The following DPP10 variants were observed in gnomAD, a reference collection of about 807,000 sequenced individuals.
The protein encoded by DPP10 is inactive dipeptidyl peptidase 10.
Under a neutral mutation model 120.9 loss-of-function variants are expected in DPP10, and 33 were observed. The observed-to-expected ratio is 0.27, with a 90% confidence interval of 0.21 to 0.37. The LOEUF (loss-of-function observed/expected upper bound fraction) is 0.37, where lower values mean the gene tolerates loss of function less well. Ranked by LOEUF, DPP10 falls within the 10% of genes least tolerant of loss-of-function variation. The pLI, the probability that DPP10 is intolerant of heterozygous loss-of-function variation, is 1.00. For missense variants in DPP10, 816 were observed against 942.8 expected, an observed-to-expected ratio of 0.87 and a Z score of 1.76; for synonymous variants, 337 against 326.1, an observed-to-expected ratio of 1.03 and a Z score of -0.36.
At chr2:114,966,058 G>A (rs1467930555) in intron 1 of DPP10, among the ~76,000 whole-genome samples, 1 of 151,682 alleles carries the variant, frequency 6.6e-6, no homozygotes, top group Non-Finnish European at 1.5e-5. Flanking sequence ...CAAATAATTA[G>A]GACAGTTAGG....
chr2:115,198,632 A>T (rs748092428), intron 1 of DPP10, among the ~76,000 whole-genome samples: 1 of 152,000 alleles, frequency 6.6e-6, no homozygotes, highest in Non-Finnish European at 1.5e-5. Context: ...CCCTAGAGGG[A>T]TTTACTTAAA....
intron 1 of DPP10, among the ~76,000 whole-genome samples, chr2:115,194,480 G>A (rs746029377): frequency 6.6e-6 from 1 of 152,118 alleles, no homozygotes; most frequent in Non-Finnish European, 1.5e-5. Flanking sequence ...CGTGCTTTTG[G>A]GTAAGTATTT....
intron 1 of DPP10, among the ~76,000 whole-genome samples, chr2:114,621,695 G>A (rs1055187287): frequency 2.0e-5 from 3 of 151,746 alleles, no homozygotes; most frequent in East Asian, 2.0e-4. Flanking sequence ...CTCTCTCCTT[G>A]TACCTCTCAA....
At chr2:115,495,793 A>G (rs915962267) in intron 3 of DPP10, among the ~76,000 whole-genome samples, 2 of 152,180 alleles carry the variant, frequency 1.3e-5, no homozygotes, top group Non-Finnish European at 2.9e-5. Flanking sequence ...TTTTCATTTT[A>G]GGAAAACTGA....
intron 3 of DPP10, among the ~76,000 whole-genome samples, chr2:115,392,728 A>T (rs2067402836): frequency 6.6e-6 from 1 of 152,158 alleles, no homozygotes; most frequent in Admixed American, 6.5e-5. Flanking sequence ...TTTAAATTAC[A>T]ATGAATTTTT....
At chr2:114,678,984 A>T (rs1698843542) in intron 1 of DPP10, among the ~76,000 whole-genome samples, 1 of 152,006 alleles carries the variant, frequency 6.6e-6, no homozygotes. Context: ...TTCTGACTAG[A>T]ATCCATTTGT....
At chr2:114,900,397 T>C (rs960220151) in intron 1 of DPP10, among the ~76,000 whole-genome samples, 2 of 152,210 alleles carry the variant, frequency 1.3e-5, no homozygotes, top group Non-Finnish European at 2.9e-5. Flanking sequence ...TCCTTACCAA[T>C]GCATGAGCAT....
intron 1 of DPP10, among the ~76,000 whole-genome samples, chr2:114,795,261 G>A (rs962778700): frequency 1.3e-5 from 2 of 151,988 alleles, no homozygotes; most frequent in African/African-American, 4.8e-5. Context: ...AGCACTTTGG[G>A]AGGCTGAGGT....
At chr2:114,940,595 C>T (rs1036722999) in intron 1 of DPP10, among the ~76,000 whole-genome samples, 5 of 151,464 alleles carry the variant, frequency 3.3e-5, no homozygotes, top group South Asian at 4.2e-4. Context: ...AAGATTCTTG[C>T]GGGTTTGCAT....
chr2:115,270,099 CACACACACACACACAGACACACACACAA>C (rs1444675251), intron 1 of DPP10, among the ~76,000 whole-genome samples: 1 of 149,072 alleles, frequency 6.7e-6, no homozygotes, highest in African/African-American at 2.6e-5. Flanking sequence ...CACACACACA[CACACACACACACACAGACACACACACAA>C]ACACTTATTT....
intron 5 of DPP10, among the ~76,000 whole-genome samples, chr2:115,687,692 C>T (rs372693837): frequency 6.7e-6 from 1 of 150,186 alleles, no homozygotes; most frequent in South Asian, 2.1e-4. Context: ...TTATATATTC[C>T]CTTCTCCAAT....
intron 5 of DPP10, among the ~76,000 whole-genome samples, chr2:115,635,087 C>T (rs1043782936): frequency 6.6e-6 from 1 of 151,250 alleles, no homozygotes; most frequent in Non-Finnish European, 1.5e-5. Context: ...AGATGGCAAA[C>T]TGGAGCTGCA....
chr2:114,726,442 A>G (rs1198405243), intron 1 of DPP10, among the ~76,000 whole-genome samples: 2 of 152,186 alleles, frequency 1.3e-5, no homozygotes, highest in Non-Finnish European at 2.9e-5. Context: ...GACACTTTTA[A>G]TATTTCTTTT....
chr2:115,242,285 G>T (rs2058322744), intron 1 of DPP10, among the ~76,000 whole-genome samples: 1 of 152,044 alleles, frequency 6.6e-6, no homozygotes, highest in Non-Finnish European at 1.5e-5. Flanking sequence ...TACTTCACTT[G>T]GAGTGATAAT....
chr2:114,722,426 T>C (rs1257104680), intron 1 of DPP10, among the ~76,000 whole-genome samples: 1 of 151,106 alleles, frequency 6.6e-6, no homozygotes, highest in South Asian at 2.1e-4. Context: ...GAATCTAAAG[T>C]TTTTTTTTGA....
At chr2:115,442,429 A>T (rs575167381) in intron 3 of DPP10, among the ~76,000 whole-genome samples, 21 of 151,114 alleles carry the variant, frequency 1.4e-4, no homozygotes, top group African/African-American at 4.9e-4. Context: ...TTATTTTAGG[A>T]TTGTTTCTGA....
chr2:114,801,254 C>T (rs1574221502), intron 1 of DPP10, among the ~76,000 whole-genome samples: 1 of 114,270 alleles, frequency 8.8e-6, no homozygotes. Context: ...CAGAACGAGA[C>T]TCTGTATCAA....
intron 1 of DPP10, among the ~76,000 whole-genome samples, chr2:114,818,529 A>T (rs1379604880): frequency 6.6e-6 from 1 of 152,184 alleles, no homozygotes; most frequent in Non-Finnish European, 1.5e-5. Flanking sequence ...TTACAAGAAG[A>T]CAACTTTTAA....
chr2:114,808,183 A>G (rs1276130975), intron 1 of DPP10, among the ~76,000 whole-genome samples: 3 of 152,202 alleles, frequency 2.0e-5, no homozygotes, highest in Non-Finnish European at 4.4e-5. Context: ...AAATGTATTC[A>G]AATGGTGGAT....
Sources: gnomAD v4.1 joint callset for allele counts (sites outside exome capture counted in the v4.1 genomes callset) on GRCh38, gnomAD v4.1.1 for gene constraint, MANE v1.5 for transcripts, NCBI Gene and HGNC (gene_info 2026-07-23, HGNC 2026-07-21) for gene names.